Variants in ZNF516 observed in about 807,000 individuals in gnomAD.
ZNF516 encodes the protein zinc finger protein 516.
A neutral mutation model predicts 79.7 loss-of-function variants in ZNF516; 19 were observed. The ratio of observed to expected loss-of-function variants is 0.24; its 90% CI spans 0.17 to 0.35. The LOEUF (loss-of-function observed/expected upper bound fraction) is 0.35. ZNF516 is among the 10% of genes least tolerant of loss of function. The pLI, the probability that ZNF516 is intolerant of heterozygous loss-of-function variation, is 1.00. For missense variants in ZNF516, 1,678 were observed against 1,679.5 expected, an observed-to-expected ratio of 1.00 and a Z score of 0.02; for synonymous variants, 877 against 739.5, an observed-to-expected ratio of 1.19 and a Z score of -3.02.
At position 76,442,797 on chromosome 18, in the gene ZNF516, C is replaced by T; in HGVS notation, c.258G>A (p.Thr86=). ...GCTCGTGTCCCTGAATCAGAGTCCC[C>T]GTGCGGTGGCTCCGGATGTGAATCT... ...NLKIHIRSHR[T]GTLIQGHEPE... The change falls in exon 3 of 7, where the codon ACG becomes ACA. Residue 86 remains threonine, a synonymous_variant. Transcript: ENST00000443185. The T allele has an allele frequency of 3.1e-6, 5 of 1,608,540 alleles. No homozygotes were observed. The highest frequency in any genetic ancestry group is 4.2e-6 in the Non-Finnish European group (5 of 1,177,438).
chr18:76,458,306 T>C (rs1853515182), intron 2 of ZNF516, among the ~76,000 whole-genome samples: 1 of 152,220 alleles, frequency 6.6e-6, no homozygotes, highest in Non-Finnish European at 1.5e-5. Context: ...CAGACAGCAC[T>C]GTGGACCCGC....
At chr18:76,390,161 A>T (rs2075050720) in intron 3 of ZNF516, among the ~76,000 whole-genome samples, 1 of 152,198 alleles carries the variant, frequency 6.6e-6, no homozygotes, top group African/African-American at 2.4e-5. Context: ...CGGACCCCGG[A>T]GGCCTGTGCA....
Position 76,372,434 on chromosome 18 carries a change from C to CAA in ZNF516, c.3260-865_3260-864dup, listed in dbSNP as rs141377587. ...TAGTAACTCAACTCAGTAGGAAAAA[C>CAA]AAAAAAAACAGAAATAATAACTAGA... is the stretch of plus-strand genomic sequence containing the variant. On this transcript the variant is annotated intron_variant, in intron 4 of 6. Transcript: ENST00000443185. 4.1e-3 allele frequency among the ~76,000 whole-genome samples: 623 copies of CAA among 151,564 alleles called. 3 individuals carry two copies. Among genetic ancestry groups the CAA allele is most frequent in the Non-Finnish European group, 6.4e-3 (434 of 67,834 alleles).
At chr18:76,495,941 C>T (rs951601311), upstream of ZNF516, among the ~76,000 whole-genome samples, 2 of 152,156 alleles carry the variant, frequency 1.3e-5, no homozygotes, top group Non-Finnish European at 2.9e-5. Flanking sequence ...GGCTCTGCCA[C>T]CCGGCCATTT....
upstream of ZNF516, chr18:76,495,914 G>C (rs748374333): frequency 8.4e-6 from 3 of 357,008 alleles, no homozygotes; most frequent in African/African-American, 2.2e-5. Flanking sequence ...GGTCCCGCTG[G>C]AAAGACTTCA....
intron 2 of ZNF516, among the ~76,000 whole-genome samples, chr18:76,450,830 G>A (rs115797972): frequency 4.6e-5 from 7 of 152,192 alleles, no homozygotes; most frequent in South Asian, 2.1e-4. Flanking sequence ...TCTCTGAATC[G>A]ACAGGAAATC....
At chr18:76,444,769 A>C (rs1260437151) in intron 2 of ZNF516, among the ~76,000 whole-genome samples, 2 of 152,198 alleles carry the variant, frequency 1.3e-5, no homozygotes, top group Non-Finnish European at 1.5e-5. Context: ...GATTCTGAGC[A>C]TTTTGTATTA....
chr18:76,492,665 G>A (rs1915302162), intron 1 of ZNF516: 2 of 960,626 alleles, frequency 2.1e-6, no homozygotes, highest in Non-Finnish European at 2.5e-6. Flanking sequence ...GGGCGCGCGT[G>A]CCCAGGCACC....
intron 2 of ZNF516, among the ~76,000 whole-genome samples, chr18:76,461,720 C>A (rs1405048639): frequency 6.6e-6 from 1 of 152,236 alleles, no homozygotes; most frequent in Admixed American, 6.5e-5. Flanking sequence ...CTTCAGGTCT[C>A]CATCCAAGAT....
At position 76,467,418 on chromosome 18, in the gene ZNF516, G is replaced by C. The variant is rs1913553108; in HGVS notation, c.-271-4277C>G. On this transcript the variant is annotated intron_variant, in intron 1 of 6. Coordinates refer to ENST00000443185, the MANE Select transcript of ZNF516 (RefSeq NM_014643.4). This position sits in a 1 kb window ranked among gnomAD's most constrained non-coding sequence, Gnocchi z 4.2. ...TCCTGCGTGTCTCTTGTCCCAGAGA[G>C]GAAATGATTTGGGCAAACGCTCTGC... is the stretch of plus-strand genomic sequence containing the variant. 6.6e-6 allele frequency among the ~76,000 whole-genome samples: 1 copy of C among 152,176 alleles called. No individual in the cohort carries two copies. Among genetic ancestry groups the C allele is most frequent in the South Asian group, 2.1e-4 (1 of 4,830 alleles).
intron 1 of ZNF516, among the ~76,000 whole-genome samples, chr18:76,484,154 A>G (rs761284158): frequency 6.6e-6 from 1 of 152,194 alleles, no homozygotes; most frequent in Non-Finnish European, 1.5e-5. Flanking sequence ...TATTCTGTGC[A>G]TTCAGCACAG....
In ZNF516 at chr18:76,389,577, G is replaced by A. The variant is rs184208103; in HGVS notation, c.1811-9274C>T. ...TTCTAAGGTTCTAAGTTTCGTGTACGGAAACGACCCAAAAATTGCTAACTA... is the reference window on the plus strand; with the variant it reads ...TTCTAAGGTTCTAAGTTTCGTGTACAGAAACGACCCAAAAATTGCTAACTA... On this transcript the variant is annotated intron_variant, in intron 3 of 6. Coordinates refer to ENST00000443185, the MANE Select transcript of ZNF516 (RefSeq NM_014643.4). Among the ~76,000 whole-genome samples the A allele has an allele frequency of 3.2e-3, 483 of 152,188 alleles. 4 individuals are homozygous for A. The highest frequency in any genetic ancestry group is 3.7e-3 in the Non-Finnish European group (249 of 68,014).
At chr18:76,417,212 T>G (rs1404351336) in intron 3 of ZNF516, among the ~76,000 whole-genome samples, 5 of 152,184 alleles carry the variant, frequency 3.3e-5, no homozygotes, top group African/African-American at 1.2e-4. Context: ...ATTCTCAACT[T>G]CAAAGAACAG....
intron 3 of ZNF516, among the ~76,000 whole-genome samples, chr18:76,402,237 G>A (rs1599187726): frequency 1.3e-5 from 2 of 152,210 alleles, no homozygotes; most frequent in African/African-American, 4.8e-5. Flanking sequence ...GAGTTCAGCA[G>A]TGAACGAGGC....
intron 2 of ZNF516, among the ~76,000 whole-genome samples, chr18:76,447,379 C>T (rs1384258947): frequency 6.6e-6 from 1 of 152,224 alleles, no homozygotes; most frequent in Non-Finnish European, 1.5e-5. Flanking sequence ...GTGGGGCGTG[C>T]CTCACGTAGG....
At chr18:76,475,944 G>A (rs947590743) in intron 1 of ZNF516, among the ~76,000 whole-genome samples, 2 of 152,160 alleles carry the variant, frequency 1.3e-5, no homozygotes, top group Admixed American at 6.5e-5. Context: ...TAGAGCAGGC[G>A]CTCAATAGTA....
chr18:76,360,646 A>ATATATATATAT lies in ZNF516; in HGVS notation c.*1851_*1852insATATATATATA, dbSNP rs1555693935. ...AAAAAAATAAGTAAAAAAAAAAAAA[A>ATATATATATAT]ATATATATATATATATATATATATA... On this transcript the variant is annotated 3_prime_UTR_variant, in exon 7 of 7. Transcript: ENST00000443185. 5.5e-4 allele frequency: 40 copies of ATATATATATAT among 72,458 alleles called. No homozygotes were observed. The highest frequency in any genetic ancestry group is 2.0e-3 in the African/African-American group (33 of 16,372). 4.5% of individuals were successfully genotyped at this position (72,458 alleles called of 1,614,324 possible). A position where few individuals can be genotyped will look rare whatever the true frequency, so the allele number is the denominator to read the frequency against.
chr18:76,359,874 A>G lies in ZNF516; in HGVS notation c.*2624T>C, dbSNP rs1179926406. The G allele has an allele frequency of 6.6e-6, 1 of 152,260 alleles. No individual in the cohort carries two copies. The highest frequency in any genetic ancestry group is 1.5e-5 in the Non-Finnish European group (1 of 68,052). The allele number at this position is 152,260 out of a possible 1,614,324, so 9.4% of individuals were successfully genotyped here. A position where few individuals can be genotyped will look rare whatever the true frequency, so the allele number is the denominator to read the frequency against. ...ACGGTGGCTAAATAAATAAGGAAAC[A>G]CAAATCATATTAAATACTATGACCA... On this transcript the variant is annotated 3_prime_UTR_variant, in exon 7 of 7. Transcript: ENST00000443185.
chr18:76,441,313 G>A lies in ZNF516; in HGVS notation c.1742C>T (p.Pro581Leu), dbSNP rs763432560. The A allele has an allele frequency of 7.4e-6, 12 of 1,611,528 alleles. No homozygotes were observed. Among genetic ancestry groups the A allele is most frequent in the African/African-American group, 1.3e-5 (1 of 75,022 alleles). Residue 581 changes from proline (P) to leucine (L), a missense_variant, in exon 3 of 7, where the codon CCG becomes CTG. Pro to Leu is a moderately conservative substitution (Grantham distance 98). Around this residue, in one of 5 missense-constraint regions of ZNF516, gnomAD observed 1,294 missense variants for 1,248.3 expected, o/e 1.04. Coordinates refer to ENST00000443185, the MANE Select transcript of ZNF516 (RefSeq NM_014643.4). ...PGSACAAADS[P>L]GSGLADEAAE... The stretch of plus-strand genomic sequence containing the variant: ...AGCCTCGTCGGCCAGGCCAGAGCCC[G>A]GGGAGTCAGCAGCGGCACAGGCGGA...
Sources: gnomAD v4.1 joint callset for allele counts (sites outside exome capture counted in the v4.1 genomes callset) on GRCh38, gnomAD v4.1.1 for gene constraint, gnomAD v4.1.1 regional missense constraint, Gnocchi (gnomAD v3.1) non-coding constraint, MANE v1.5 for transcripts, NCBI Gene and HGNC (gene_info 2026-07-23, HGNC 2026-07-21) for gene names.